YIPF4: variants seen among roughly 807,000 people sequenced by gnomAD.
YIPF4 encodes the protein protein YIPF4.
Under a neutral mutation model 29.4 loss-of-function variants are expected in YIPF4, and 18 were observed. The ratio of observed to expected loss-of-function variants is 0.61; its 90% CI spans 0.42 to 0.91. YIPF4 has a LOEUF of 0.91. YIPF4 is among the 40% of genes least tolerant of loss of function. The probability of loss-of-function intolerance (pLI) is 0.00; values close to 1 mark genes in which losing one functional copy is unlikely to be tolerated. For missense variants in YIPF4, 279 were observed against 282.7 expected, an observed-to-expected ratio of 0.99 and a Z score of 0.09; for synonymous variants, 115 against 104.7, an observed-to-expected ratio of 1.10 and a Z score of -0.60.
chr2:32,313,242 G>T lies in YIPF4; in HGVS notation c.*7616G>T, dbSNP rs1201528741. On this transcript the variant is annotated 3_prime_UTR_variant, in exon 6 of 6. Transcript: ENST00000238831. Reference sequence around the variant, plus strand: ...GAAGACTCTTTCAGATAGAATCGCAGTTTGTGAGTTTGCTTGGGGAAAAAA... The same window carrying T: ...GAAGACTCTTTCAGATAGAATCGCATTTTGTGAGTTTGCTTGGGGAAAAAA... 3.9e-5 allele frequency: 6 copies of T among 152,140 alleles called. No individual in the cohort carries two copies. The East Asian group carries it at 1.2e-3, about 29-fold the overall frequency. The allele number at this position is 152,140 out of a possible 1,614,324, so 9.4% of individuals were successfully genotyped here.
Position 32,305,950 on chromosome 2 carries a change from T to C in YIPF4, c.*324T>C, listed in dbSNP as rs1046836677. On this transcript the variant is annotated 3_prime_UTR_variant, in exon 6 of 6. Transcript: ENST00000238831. ...AAGCACCTGGATTGGTAATTATATT[T>C]CACTTAAAGGGTAAATTTGACAATA... 13 of 998,390 alleles carry C rather than the reference T, an allele frequency of 1.3e-5. No individual in the cohort carries two copies. The highest frequency in any genetic ancestry group is 1.2e-4 in the Admixed American group (2 of 16,656). The allele number at this position is 998,390 out of a possible 1,614,324, so 61.8% of individuals were successfully genotyped here. A position where few individuals can be genotyped will look rare whatever the true frequency, so the allele number is the denominator to read the frequency against.
At chr2:32,294,655 C>T (rs1156954822) in intron 3 of YIPF4, among the ~76,000 whole-genome samples, 1 of 151,888 alleles carries the variant, frequency 6.6e-6, no homozygotes, top group African/African-American at 2.4e-5. Flanking sequence ...CCTCACTTCC[C>T]AGACGGGGTG....
intron 5 of YIPF4, among the ~76,000 whole-genome samples, chr2:32,302,815 T>C (rs2031451210): frequency 6.6e-6 from 1 of 152,196 alleles, no homozygotes; most frequent in Non-Finnish European, 1.5e-5. Context: ...GCTGAGCCAC[T>C]TGAAATTATT....
chr2:32,314,428 C>G lies in YIPF4; in HGVS notation c.*8802C>G, dbSNP rs373966577. 6.6e-6 allele frequency: 1 copy of G among 152,232 alleles called. No individual in the cohort carries two copies. Among genetic ancestry groups the G allele is most frequent in the East Asian group, 1.9e-4 (1 of 5,198 alleles). The allele number at this position is 152,232 out of a possible 1,614,324, so 9.4% of individuals were successfully genotyped here. A position where few individuals can be genotyped will look rare whatever the true frequency, so the allele number is the denominator to read the frequency against. On this transcript the variant is annotated 3_prime_UTR_variant, in exon 6 of 6. Coordinates refer to ENST00000238831, the MANE Select transcript of YIPF4 (RefSeq NM_032312.4). ...GTGGCTTACGCCTGTAATCCCAGCT[C>G]TTTGGGAGGCAGAGGCTGGCAGATC...
At position 32,305,532 on chromosome 2, in the gene YIPF4, T is replaced by TA. The variant is rs1480405268; in HGVS notation, c.642dup (p.Val215SerfsTer3). ...GCTGCCTACAGTGCTGCTTCATTGT[T>TA]AGTGGGTGAAGAATTCAAGACCAAA... On this transcript the variant is annotated frameshift_variant, in exon 6 of 6. Coordinates refer to ENST00000238831, the MANE Select transcript of YIPF4 (RefSeq NM_032312.4). LOFTEE classifies it high-confidence loss of function. 1 of 1,611,378 alleles carries TA rather than the reference T, an allele frequency of 6.2e-7. No homozygotes were observed. The highest frequency in any genetic ancestry group is 2.2e-5 in the East Asian group (1 of 44,730).
chr2:32,286,389 A>T (rs1343918252), intron 1 of YIPF4, among the ~76,000 whole-genome samples: 1 of 152,204 alleles, frequency 6.6e-6, no homozygotes. Flanking sequence ...AGACAAAAGA[A>T]ATTTCATCTT....
chr2:32,297,121 T>C (rs1478423874), intron 3 of YIPF4, among the ~76,000 whole-genome samples: 1 of 151,900 alleles, frequency 6.6e-6, no homozygotes, highest in Non-Finnish European at 1.5e-5. Context: ...AATCAACCGT[T>C]TTTTTGTTTT....
rs779145894 is a variant in YIPF4 at position 32,298,720 on chromosome 2, G to A, written c.483+409G>A. ...ATTATAGATATGTGCCACTATGCCC[G>A]GCTAATTTTTGAATTTTTAGTAGAG... is the stretch of plus-strand genomic sequence containing the variant. On this transcript the variant is annotated intron_variant, in intron 4 of 5. Coordinates refer to ENST00000238831, the MANE Select transcript of YIPF4 (RefSeq NM_032312.4). Among the ~76,000 whole-genome samples the A allele has an allele frequency of 9.2e-5, 14 of 151,770 alleles. 1 individual carries two copies. Among genetic ancestry groups the A allele is most frequent in the South Asian group, 4.2e-4 (2 of 4,782 alleles).
In YIPF4 at chr2:32,292,291, G is replaced by C; in HGVS notation, c.348G>C (p.Trp116Cys). ...RQVVRDNPDF[W>C]GPLAVVLFFS... is the part of the protein sequence containing the mutation. The stretch of plus-strand genomic sequence containing the variant: ...TGGTGAGAGACAATCCTGACTTTTG[G>C]GGTCCTCTGGCTGTTGTTCTTTTCT... The change falls in exon 3 of 6, where the codon TGG (tryptophan) becomes TGC (cysteine). Residue 116 changes from tryptophan (W) to cysteine (C), a missense_variant. Transcript: ENST00000238831. 3 of 1,604,512 alleles carry C rather than the reference G, an allele frequency of 1.9e-6. No homozygotes were observed. Among genetic ancestry groups the C allele is most frequent in the Non-Finnish European group, 1.7e-6 (2 of 1,174,866 alleles).
At chr2:32,282,025 T>G in intron 1 of YIPF4, among the ~76,000 whole-genome samples, 1 of 149,416 alleles carries the variant, frequency 6.7e-6, no homozygotes, top group Non-Finnish European at 1.5e-5. Flanking sequence ...ATTGTGCCAG[T>G]GTGCTCCAGC....
In YIPF4 at chr2:32,308,056, TTC is replaced by T. The variant is rs2031633959; in HGVS notation, c.*2432_*2433del. On this transcript the variant is annotated 3_prime_UTR_variant, in exon 6 of 6. Coordinates refer to ENST00000238831, the MANE Select transcript of YIPF4 (RefSeq NM_032312.4). ...CCTTGAATTTTTATATAATAATATT[TTC>T]TGAGTCATAACTAATTTTTTAAATA... The T allele has an allele frequency of 6.6e-6, 1 of 152,088 alleles. No homozygotes were observed. Among genetic ancestry groups the T allele is most frequent in the South Asian group, 2.1e-4 (1 of 4,828 alleles). The allele number at this position is 152,088 out of a possible 1,614,324, so 9.4% of individuals were successfully genotyped here.
At position 32,304,416 on chromosome 2, in the gene YIPF4, CT is replaced by C. The variant is rs74838110; in HGVS notation, c.598-1060del. On this transcript the variant is annotated intron_variant, in intron 5 of 5. Coordinates refer to ENST00000238831, the MANE Select transcript of YIPF4 (RefSeq NM_032312.4). ...ATGTTTGAATTATTTCATAGGGTTA[CT>C]TTTTTTTTTTTTAAGTTCAACAAAC... Among the ~76,000 whole-genome samples, 832 of 143,750 alleles carry C rather than the reference CT, an allele frequency of 5.8e-3. 3 individuals carry two copies. The highest frequency in any genetic ancestry group is 8.2e-3 in the African/African-American group (322 of 39,502). 94.3% of individuals were successfully genotyped at this position (143,750 alleles called of 152,430 possible).
chr2:32,305,729 A>G lies in YIPF4; in HGVS notation c.*103A>G, dbSNP rs887129831. 7.7e-6 allele frequency: 10 copies of G among 1,303,722 alleles called. No homozygotes were observed. The highest frequency in any genetic ancestry group is 9.8e-6 in the Non-Finnish European group (10 of 1,025,186). The allele number at this position is 1,303,722 out of a possible 1,614,324, so 80.8% of individuals were successfully genotyped here. A position where few individuals can be genotyped will look rare whatever the true frequency, so the allele number is the denominator to read the frequency against. On this transcript the variant is annotated 3_prime_UTR_variant, in exon 6 of 6. Coordinates refer to ENST00000238831, the MANE Select transcript of YIPF4 (RefSeq NM_032312.4). ...AAAACCTGTTGCTGCAAAATTTTAC[A>G]TGTTCCAGATGGAAAGGGAAGTCTA...
intron 3 of YIPF4, among the ~76,000 whole-genome samples, chr2:32,293,488 T>G (rs143949361): frequency 1.3e-5 from 2 of 152,192 alleles, no homozygotes; most frequent in African/African-American, 4.8e-5. Context: ...CCATGTCTAC[T>G]TCTTTCCACA....
chr2:32,277,908 C>T lies in YIPF4; in HGVS notation c.-248C>T. ...AGAGCCAATCCCAGCGCCGCTGTCA[C>T]TGTTATGGTCCTGTCAGGGTGCCGG... On this transcript the variant is annotated 5_prime_UTR_variant, in exon 1 of 6. Coordinates refer to ENST00000238831, the MANE Select transcript of YIPF4 (RefSeq NM_032312.4). 4.0e-6 allele frequency: 2 copies of T among 499,494 alleles called. No individual in the cohort carries two copies. Among genetic ancestry groups the T allele is most frequent in the Non-Finnish European group, 3.5e-6 (1 of 283,780 alleles). 30.9% of individuals were successfully genotyped at this position (499,494 alleles called of 1,614,324 possible).
At chr2:32,297,511 T>C (rs2031238514) in intron 3 of YIPF4, among the ~76,000 whole-genome samples, 1 of 151,962 alleles carries the variant, frequency 6.6e-6, no homozygotes, top group East Asian at 1.9e-4. Flanking sequence ...CTCACTCCTG[T>C]AATCCCAGCA....
At chr2:32,282,944 G>T (rs2030495415) in intron 1 of YIPF4, among the ~76,000 whole-genome samples, 1 of 151,910 alleles carries the variant, frequency 6.6e-6, no homozygotes, top group Non-Finnish European at 1.5e-5. Context: ...GGGGGTGGTG[G>T]CGGGTGCCTG....
chr2:32,308,597 CAGCTACTGGGGAAGCTG>C lies in YIPF4; in HGVS notation c.*2974_*2990del, dbSNP rs1191868538. ...GCATGGTGGTGCATACCTGTAATCT[CAGCTACTGGGGAAGCTG>C]AGACAGGAGAATTGCTTGAACCCAG... On this transcript the variant is annotated 3_prime_UTR_variant, in exon 6 of 6. Coordinates refer to ENST00000238831, the MANE Select transcript of YIPF4 (RefSeq NM_032312.4). 6.5e-6 allele frequency: 1 copy of C among 154,156 alleles called. No homozygotes were observed. The highest frequency in any genetic ancestry group is 1.4e-5 in the Non-Finnish European group (1 of 69,628). The allele number at this position is 154,156 out of a possible 1,614,324, so 9.5% of individuals were successfully genotyped here.
At chr2:32,298,333 T>C (rs1186769761) in intron 4 of YIPF4, 22 bp downstream of exon 4, 1 of 1,553,476 alleles carries the variant, frequency 6.4e-7, no homozygotes, top group African/African-American at 1.4e-5. Flanking sequence ...ATTTTGAAAA[T>C]AATCTTCCTT....
Sources: allele counts gnomAD v4.1 joint callset (sites outside exome capture counted in the v4.1 genomes callset), GRCh38; gene constraint gnomAD v4.1.1; transcripts MANE v1.5; gene names NCBI Gene and HGNC (gene_info 2026-07-23, HGNC 2026-07-21).